The following CCDC60 variants were observed in gnomAD, a reference collection of about 807,000 sequenced individuals.
The protein encoded by CCDC60 is coiled-coil domain-containing protein 60.
Under a neutral mutation model 63.5 loss-of-function variants are expected in CCDC60, and 54 were observed. The ratio of observed to expected loss-of-function variants is 0.85; its 90% CI spans 0.68 to 1.07. The LOEUF (loss-of-function observed/expected upper bound fraction) is 1.07. CCDC60 is among the 50% of genes least tolerant of loss of function. The pLI is 0.00. For synonymous variants in CCDC60, 206 were observed against 238.8 expected (o/e 0.86, Z 1.27); for missense variants, 651 against 684.3 (o/e 0.95, Z 0.54).
chr12:119,533,895 A>G (rs1300462063), intron 13 of CCDC60, among the ~76,000 whole-genome samples: 1 of 152,100 alleles, frequency 6.6e-6, no homozygotes, highest in East Asian at 1.9e-4. Flanking sequence ...TTGACTTGAC[A>G]ATACGGGCTC....
intron 2 of CCDC60, among the ~76,000 whole-genome samples, chr12:119,430,442 G>A (rs996631682): frequency 2.6e-5 from 4 of 151,946 alleles, no homozygotes; most frequent in Non-Finnish European, 5.9e-5. Context: ...CAAGGCAGGC[G>A]GATCACAAGG....
chr12:119,459,586 C>T (rs137909235), intron 2 of CCDC60, among the ~76,000 whole-genome samples: 336 of 152,272 alleles, frequency 2.2e-3, no homozygotes, highest in African/African-American at 7.6e-3. Flanking sequence ...TCCTGACCAC[C>T]CCCATTGCTC....
intron 1 of CCDC60, among the ~76,000 whole-genome samples, chr12:119,395,114 A>G (rs1593020855): frequency 6.6e-6 from 1 of 152,354 alleles, no homozygotes; most frequent in Middle Eastern, 3.4e-3. Flanking sequence ...AAGTACTCAG[A>G]GTGGCTGCAG....
chr12:119,352,492 T>C (rs1388636693), intron 1 of CCDC60, among the ~76,000 whole-genome samples: 1 of 152,338 alleles, frequency 6.6e-6, no homozygotes, highest in Non-Finnish European at 1.5e-5. Context: ...TAAATATGTT[T>C]ATAAGATGTT....
intron 2 of CCDC60, among the ~76,000 whole-genome samples, chr12:119,460,141 G>A (rs909673967): frequency 3.3e-5 from 5 of 152,034 alleles, no homozygotes; most frequent in Admixed American, 6.6e-5. Context: ...TAAGTCTGTC[G>A]GGCCAGCACC....
At chr12:119,344,144 C>T (rs1009516525) in intron 1 of CCDC60, among the ~76,000 whole-genome samples, 1 of 152,132 alleles carries the variant, frequency 6.6e-6, no homozygotes, top group Non-Finnish European at 1.5e-5. Context: ...TAGGCTGTCC[C>T]TTGCATTGCA....
At chr12:119,519,711 C>G (rs1377618663) in intron 8 of CCDC60, among the ~76,000 whole-genome samples, 2 of 151,986 alleles carry the variant, frequency 1.3e-5, no homozygotes, top group Non-Finnish European at 2.9e-5. Flanking sequence ...GATCCGCTTG[C>G]CTTGCCCTCC....
chr12:119,455,005 G>C (rs1415580768), intron 2 of CCDC60, among the ~76,000 whole-genome samples: 1 of 152,232 alleles, frequency 6.6e-6, no homozygotes, highest in African/African-American at 2.4e-5. Context: ...TACCCAGCTT[G>C]CCAATTTCCT....
At chr12:119,525,175 A>T (rs1252752726) in intron 11 of CCDC60, among the ~76,000 whole-genome samples, 1 of 152,220 alleles carries the variant, frequency 6.6e-6, no homozygotes, top group East Asian at 1.9e-4. Flanking sequence ...GCTAAGTAGT[A>T]AAGCTAGAAT....
intron 6 of CCDC60, among the ~76,000 whole-genome samples, chr12:119,503,367 T>C (rs1270563566): frequency 1.3e-5 from 2 of 152,154 alleles, no homozygotes; most frequent in Non-Finnish European, 2.9e-5. Context: ...TCTTGACCAG[T>C]TGCAGTGTCA....
At chr12:119,396,091 C>A (rs938971183) in intron 1 of CCDC60, among the ~76,000 whole-genome samples, 2 of 152,114 alleles carry the variant, frequency 1.3e-5, no homozygotes, top group Middle Eastern at 3.2e-3. Flanking sequence ...GCGCCCACCA[C>A]CTCGCCTGGC....
chr12:119,477,503 A>C (rs114361136), intron 3 of CCDC60, among the ~76,000 whole-genome samples: 1,588 of 152,352 alleles, frequency 0.01, 32 homozygotes, highest in African/African-American at 0.036. Flanking sequence ...GCTTCGGAAG[A>C]GGAGAGGCTG....
At chr12:119,521,150 T>C (rs1162899160) in intron 9 of CCDC60, among the ~76,000 whole-genome samples, 1 of 152,242 alleles carries the variant, frequency 6.6e-6, no homozygotes, top group Non-Finnish European at 1.5e-5. Context: ...CACAATGCGT[T>C]ATATAACAAG....
intron 1 of CCDC60, among the ~76,000 whole-genome samples, chr12:119,339,379 C>T (rs1293768306): frequency 6.6e-6 from 1 of 152,188 alleles, no homozygotes; most frequent in African/African-American, 2.4e-5. Context: ...CTTTCCACCT[C>T]GTTGTCATTA....
intron 7 of CCDC60, among the ~76,000 whole-genome samples, chr12:119,513,324 T>C (rs777245730): frequency 2.7e-4 from 41 of 152,212 alleles, no homozygotes; most frequent in Non-Finnish European, 4.6e-4. Context: ...GCTGTAAAAT[T>C]TCTGACAACA....
intron 5 of CCDC60, among the ~76,000 whole-genome samples, chr12:119,496,820 A>G (rs1455104441): frequency 6.6e-6 from 1 of 152,108 alleles, no homozygotes; most frequent in Non-Finnish European, 1.5e-5. Context: ...TTCACTCTTA[A>G]CCACTAAGAT....
At chr12:119,429,970 A>G (rs1040988821) in intron 2 of CCDC60, among the ~76,000 whole-genome samples, 2 of 152,208 alleles carry the variant, frequency 1.3e-5, no homozygotes, top group Non-Finnish European at 2.9e-5. Flanking sequence ...ATCATTCAAC[A>G]TGTAATCAGT....
chr12:119,406,769 C>T (rs1956500138), intron 1 of CCDC60, among the ~76,000 whole-genome samples: 1 of 152,022 alleles, frequency 6.6e-6, no homozygotes, highest in Non-Finnish European at 1.5e-5. Context: ...GTGCTCCAGC[C>T]CCACCCACTT....
Position 119,380,583 on chromosome 12 carries a change from G to A in CCDC60, c.90+45317G>A, listed in dbSNP as rs543360477. ...TCTGAGGATGGGGCAGTTACTAACA[G>A]CAGATGGTGAAATGATTTTTCAGTG... On this transcript the variant is annotated intron_variant, in intron 1 of 13. Coordinates refer to ENST00000327554, the MANE Select transcript of CCDC60 (RefSeq NM_178499.5). Among the ~76,000 whole-genome samples the A allele has an allele frequency of 4.6e-5, 7 of 152,338 alleles. No individual in the cohort carries two copies. The East Asian group carries it at 1.3e-3, about 29-fold the overall frequency.
Sources: allele counts gnomAD v4.1 joint callset (sites outside exome capture counted in the v4.1 genomes callset), GRCh38; gene constraint gnomAD v4.1.1; transcripts MANE v1.5; gene names NCBI Gene and HGNC (gene_info 2026-07-23, HGNC 2026-07-21).